The following TVP23C variants were observed in gnomAD, a reference collection of about 807,000 sequenced individuals.
TVP23C encodes Golgi apparatus membrane protein TVP23 homolog C.
A neutral mutation model predicts 28.7 loss-of-function variants in TVP23C; 19 were observed. The observed-to-expected ratio is 0.66, with a 90% CI of 0.46 to 0.97. The LOEUF is 0.97. Ranked by LOEUF, TVP23C falls within the 50% of genes least tolerant of loss-of-function variation. TVP23C has a pLI of 0.00. For missense variants in TVP23C, 186 were observed against 241.3 expected, an observed-to-expected ratio of 0.77 and a Z score of 1.52; for synonymous variants, 68 against 81.7, an observed-to-expected ratio of 0.83 and a Z score of 0.90.
Position 15,558,624 on chromosome 17 carries a change from A to C in TVP23C, c.13-3260T>G, listed in dbSNP as rs1984238376. ...ATGAAACAAGCAAAGTAGAGGTGAGAGACAGAGATTTGAACAGGCTGTGCT... is the reference window on the plus strand; with the variant it reads ...ATGAAACAAGCAAAGTAGAGGTGAGCGACAGAGATTTGAACAGGCTGTGCT... On this transcript the variant is annotated intron_variant, in intron 1 of 5. Transcript: ENST00000518321. 4.7e-5 allele frequency among the ~76,000 whole-genome samples: 7 copies of C among 148,168 alleles called. 2 individuals carry two copies. In the South Asian group the frequency reaches 1.5e-3, roughly 33 times the overall value.
At chr17:15,510,035 T>A (rs1981933402) in intron 5 of TVP23C, among the ~76,000 whole-genome samples, 1 of 152,210 alleles carries the variant, frequency 6.6e-6, no homozygotes, top group Non-Finnish European at 1.5e-5. Context: ...TTCGGAGACG[T>A]TGACTTTTTT....
Position 15,540,233 on chromosome 17 carries a change from T to C in TVP23C, c.*179A>G. On this transcript the variant is annotated 3_prime_UTR_variant, in exon 6 of 6. Coordinates refer to ENST00000518321, the MANE Select transcript of TVP23C (RefSeq NM_001135036.2). Reference sequence around the variant, plus strand: ...TCAATGATAGTTTATCCTTCCTGGCTTTAAAATAATTTTAGGATACTGACA... The same window carrying C: ...TCAATGATAGTTTATCCTTCCTGGCCTTAAAATAATTTTAGGATACTGACA... 7.9e-7 allele frequency: 1 copy of C among 1,268,584 alleles called. No homozygotes were observed. Among genetic ancestry groups the C allele is most frequent in the Non-Finnish European group, 1.0e-6 (1 of 999,480 alleles). The allele number at this position is 1,268,584 out of a possible 1,614,324, so 78.6% of individuals were successfully genotyped here. A position where few individuals can be genotyped will look rare whatever the true frequency, so the allele number is the denominator to read the frequency against.
At position 15,538,967 on chromosome 17, in the gene TVP23C, T is replaced by C. The variant is rs1290094520; in HGVS notation, c.*1445A>G. ...CTGTGAGAGAAACTGTACAGTAGAATAAAAAGAACAATAAATTTTGAGTAC... is the reference window on the plus strand; with the variant it reads ...CTGTGAGAGAAACTGTACAGTAGAACAAAAAGAACAATAAATTTTGAGTAC... On this transcript the variant is annotated 3_prime_UTR_variant, in exon 6 of 6. Transcript: ENST00000518321. 1.0e-6 allele frequency: 1 copy of C among 985,666 alleles called. No homozygotes were observed. The highest frequency in any genetic ancestry group is 1.2e-6 in the Non-Finnish European group (1 of 829,886). 61.1% of individuals were successfully genotyped at this position (985,666 alleles called of 1,614,324 possible). A position where few individuals can be genotyped will look rare whatever the true frequency, so the allele number is the denominator to read the frequency against.
chr17:15,556,750 T>C (rs1567645232), intron 1 of TVP23C, among the ~76,000 whole-genome samples: 1 of 152,150 alleles, frequency 6.6e-6, no homozygotes, highest in East Asian at 1.9e-4. Context: ...CTAGCGCCAC[T>C]CACCAGCCTC....
intron 5 of TVP23C, among the ~76,000 whole-genome samples, chr17:15,505,580 G>C (rs150457261): frequency 2.7e-3 from 411 of 152,306 alleles, no homozygotes; most frequent in African/African-American, 9.1e-3. Context: ...CCTCTGCCAG[G>C]GCTCCCACTT....
Position 15,544,642 on chromosome 17 carries a change from C to A in TVP23C, c.462+1143G>T, listed in dbSNP as rs927970611. On this transcript the variant is annotated intron_variant, in intron 5 of 5. Coordinates refer to ENST00000518321, the MANE Select transcript of TVP23C (RefSeq NM_001135036.2). Reference sequence around the variant, plus strand: ...GGAGAAGTTAAAGAAACCATATTAGCGTAAAGTTTCCCATTTTCCAGAGCA... The same window carrying A: ...GGAGAAGTTAAAGAAACCATATTAGAGTAAAGTTTCCCATTTTCCAGAGCA... Among the ~76,000 whole-genome samples the A allele has an allele frequency of 4.6e-5, 7 of 152,044 alleles. No homozygotes were observed. The South Asian group carries it at 1.2e-3, about 27-fold the overall frequency.
rs185822754 is a variant in TVP23C, at chr17:15,526,135, A to C, written c.462+19650T>G. ...CAGTTATCAGCTCTTTAACAGACAC[A>C]GTTGCTGTAGACCACTCCTACATTG... is the stretch of plus-strand genomic sequence containing the variant. On this transcript the variant is annotated intron_variant, in intron 5 of 5. Coordinates refer to the TVP23C transcript ENST00000225576. Among the ~76,000 whole-genome samples the C allele has an allele frequency of 1.7e-3, 258 of 152,236 alleles. 1 individual carries two copies. Among genetic ancestry groups the C allele is most frequent in the African/African-American group, 6.0e-3 (250 of 41,520 alleles).
At chr17:15,516,159 C>G (rs1982217533) in intron 5 of TVP23C, among the ~76,000 whole-genome samples, 1 of 152,184 alleles carries the variant, frequency 6.6e-6, no homozygotes, top group Non-Finnish European at 1.5e-5. Flanking sequence ...ATTACCCAGT[C>G]TCAGGTATGT....
At chr17:15,548,871 G>C (rs1002122882) in intron 3 of TVP23C, among the ~76,000 whole-genome samples, 1 of 151,812 alleles carries the variant, frequency 6.6e-6, no homozygotes, top group African/African-American at 2.4e-5. Flanking sequence ...AAGAGAATAA[G>C]AAATAAAAAT....
In TVP23C at chr17:15,558,792, A is replaced by G. The variant is rs558241561; in HGVS notation, c.13-3428T>C. Among the ~76,000 whole-genome samples the G allele has an allele frequency of 2.0e-5, 3 of 148,748 alleles. No individual in the cohort carries two copies. The East Asian group carries it at 5.9e-4, about 29-fold the overall frequency. On this transcript the variant is annotated intron_variant, in intron 1 of 5. Coordinates refer to ENST00000518321, the MANE Select transcript of TVP23C (RefSeq NM_001135036.2). ...GACTTCTGACCACCAGAACTTTACAACAGTACATATGACTTCACTGCCGCA... is the reference window on the plus strand; with the variant it reads ...GACTTCTGACCACCAGAACTTTACAGCAGTACATATGACTTCACTGCCGCA...
intron 5 of TVP23C, among the ~76,000 whole-genome samples, chr17:15,526,080 A>AT (rs1567635456): frequency 6.6e-6 from 1 of 152,176 alleles, no homozygotes; most frequent in Non-Finnish European, 1.5e-5. Context: ...ACCCGCTGCC[A>AT]TATCACCTTG....
chr17:15,517,282 A>G (rs1325880146), intron 5 of TVP23C, among the ~76,000 whole-genome samples: 1 of 152,188 alleles, frequency 6.6e-6, no homozygotes, highest in Non-Finnish European at 1.5e-5. Flanking sequence ...TACCTTACTA[A>G]TATGTGTATC....
chr17:15,513,654 T>C (rs1363373401), intron 5 of TVP23C, among the ~76,000 whole-genome samples: 1 of 152,162 alleles, frequency 6.6e-6, no homozygotes, highest in Non-Finnish European at 1.5e-5. Flanking sequence ...GGACAAAGGG[T>C]TCTTTTCAAC....
At chr17:15,543,283 A>G (rs566450280) in intron 5 of TVP23C, among the ~76,000 whole-genome samples, 130 of 149,908 alleles carry the variant, frequency 8.7e-4, no homozygotes, top group Middle Eastern at 3.4e-3. Flanking sequence ...GTCAAGGGGG[A>G]TTCACCCGCA....
chr17:15,502,813 T>TCTC (rs1555543017), exon 6 of TVP23C: 2 of 309,060 alleles, frequency 6.5e-6, no homozygotes, highest in Non-Finnish European at 1.1e-5. Flanking sequence ...CTCTCTCCTC[T>TCTC]CTCTCTCTCT....
chr17:15,515,415 C>T (rs1480891490), intron 5 of TVP23C, among the ~76,000 whole-genome samples: 6 of 152,284 alleles, frequency 3.9e-5, no homozygotes, highest in African/African-American at 1.4e-4. Context: ...AACCAGGCAC[C>T]GGGCCAGGCG....
chr17:15,504,784 C>T (rs1403744947), intron 5 of TVP23C, among the ~76,000 whole-genome samples: 1 of 152,128 alleles, frequency 6.6e-6, no homozygotes, highest in African/African-American at 2.4e-5. Context: ...GATCCTCTCT[C>T]CTCAGCCTCC....
rs539037007 is a variant in TVP23C, at chr17:15,560,391, G to A, written c.12+3046C>T. Among the ~76,000 whole-genome samples, 27 of 149,290 alleles carry A rather than the reference G, an allele frequency of 1.8e-4. 3 individuals are homozygous for A. In the South Asian group the frequency reaches 5.0e-3, roughly 28 times the overall value. ...ACCACTGTATTTTTAACAGGTCATC[G>A]GGGAACTCAGTAAGAGCAGTTCCAG... On this transcript the variant is annotated intron_variant, in intron 1 of 5. Transcript: ENST00000518321.
At chr17:15,514,880 G>A (rs1047898973) in intron 5 of TVP23C, among the ~76,000 whole-genome samples, 1 of 152,174 alleles carries the variant, frequency 6.6e-6, no homozygotes, top group African/African-American at 2.4e-5. Context: ...TTCTCTGGAG[G>A]ATGAGACAAC....
Sources: allele counts gnomAD v4.1 joint callset (sites outside exome capture counted in the v4.1 genomes callset), GRCh38; gene constraint gnomAD v4.1.1; transcripts MANE v1.5; gene names NCBI Gene and HGNC (gene_info 2026-07-23, HGNC 2026-07-21).